CFAP69: variants seen among roughly 807,000 people sequenced by gnomAD.
CFAP69 encodes the protein cilia- and flagella-associated protein 69.
In CFAP69, 92 loss-of-function variants were observed where a neutral mutation model predicts 123.0. The observed-to-expected ratio is 0.75, with a 90% CI of 0.63 to 0.89. CFAP69 has a LOEUF of 0.89. Among genes scored for constraint, CFAP69 ranks in the 40% least tolerant of loss-of-function variants. The pLI, the probability that CFAP69 is intolerant of heterozygous loss-of-function variation, is 0.00. For synonymous variants in CFAP69, 380 were observed against 364.3 expected (o/e 1.04, Z -0.49); for missense variants, 1,067 against 1,096.9 (o/e 0.97, Z 0.39).
At chr7:90,320,283 A>G in the CFAP69 span, 120,679 of 152,246 alleles carry the variant, frequency 0.79, 47,951 homozygotes, top group East Asian at 0.89. Flanking sequence ...AGTTACTGCT[A>G]TTTCCATTTT....
At chr7:90,247,474 T>C (rs1796467329) in intron 1 of CFAP69, among the ~76,000 whole-genome samples, 1 of 152,230 alleles carries the variant, frequency 6.6e-6, no homozygotes, top group Non-Finnish European at 1.5e-5. Context: ...ACCAGCTATG[T>C]GACCAAAGAC....
chr7:90,277,311 T>C lies in CFAP69; in HGVS notation c.1132T>C (p.Cys378Arg), dbSNP rs772872240. Residue 378 changes from cysteine to arginine, a missense_variant, in exon 11 of 23, where the codon TGT (cysteine) becomes CGT (arginine). By Grantham distance (180) the Cys-to-Arg change is radical. Coordinates refer to ENST00000389297, the MANE Select transcript of CFAP69 (RefSeq NM_001039706.3). ...KLLFNVIVILCKDLPTVQLLI... is the reference protein window; with the variant it reads ...KLLFNVIVILRKDLPTVQLLI... Reference sequence around the variant, plus strand: ...ACTATTCAACGTAATTGTGATCTTATGTAAAGATTTACCTACTGTACAGGT... The same window carrying C: ...ACTATTCAACGTAATTGTGATCTTACGTAAAGATTTACCTACTGTACAGGT... 1.9e-6 allele frequency: 3 copies of C among 1,576,786 alleles called. No homozygotes were observed. Among genetic ancestry groups the C allele is most frequent in the Non-Finnish European group, 2.6e-6 (3 of 1,165,270 alleles).
chr7:90,323,540 G>A, the CFAP69 span, among the ~76,000 whole-genome samples: 5 of 151,830 alleles, frequency 3.3e-5, no homozygotes, highest in African/African-American at 1.2e-4. Context: ...CCTAAATGAC[G>A]GAAATAGAGA....
chr7:90,277,434 T>C, intron 11 of CFAP69, 100 bp downstream of exon 11: 1 of 1,034,908 alleles, frequency 9.7e-7, no homozygotes, highest in Non-Finnish European at 1.3e-6. Flanking sequence ...GGTTCATATA[T>C]TTACCACAGA....
the CFAP69 span, among the ~76,000 whole-genome samples, chr7:90,316,133 G>T: frequency 6.6e-6 from 1 of 152,082 alleles, no homozygotes; most frequent in Non-Finnish European, 1.5e-5. Context: ...AAACAGCAGA[G>T]GAACTTTAGA....
In CFAP69 at chr7:90,258,178, T is replaced by C. The variant is rs1223478390; in HGVS notation, c.246+15T>C. 3.3e-6 allele frequency: 5 copies of C among 1,499,394 alleles called. No individual in the cohort carries two copies. Among genetic ancestry groups the C allele is most frequent in the Non-Finnish European group, 4.6e-6 (5 of 1,089,688 alleles). The allele number at this position is 1,499,394 out of a possible 1,614,324, so 92.9% of individuals were successfully genotyped here. On this transcript the variant is annotated intron_variant, in intron 3 of 22. Transcript: ENST00000389297. ...AGAATGGACTTGTATCCTTTACATA[T>C]ATATGTATGTTCATTTCATTTATTC... is the stretch of plus-strand genomic sequence containing the variant.
rs764475922 is a variant in CFAP69, at chr7:90,245,487, T to C, written c.63T>C (p.Ser21=). 1 of 1,546,624 alleles carries C rather than the reference T, an allele frequency of 6.5e-7. No homozygotes were observed. Among genetic ancestry groups the C allele is most frequent in the South Asian group, 1.2e-5 (1 of 83,600 alleles). ...AGGAATCCGGCATCAGGAACAAGTC[T>C]AGCAGTTCCAGTCAAATCCCGGTGG... ...EAQESGIRNK[S]SSSSQIPVVG... Residue 21 remains serine (S), a synonymous_variant, in exon 1 of 23, where the codon TCT becomes TCC. Transcript: ENST00000389297.
chr7:90,288,359 A>G lies in CFAP69; in HGVS notation c.1775+7A>G, dbSNP rs1469035071. On this transcript the variant is annotated splice_region_variant and intron_variant, in intron 15 of 22. Coordinates refer to ENST00000389297, the MANE Select transcript of CFAP69 (RefSeq NM_001039706.3). ...GTACATTGGACAGCATTTGGTGAGT[A>G]TTGCTATAATCAAATTAGGTAGACT... 6.2e-7 allele frequency: 1 copy of G among 1,607,296 alleles called. No homozygotes were observed. Among genetic ancestry groups the G allele is most frequent in the Non-Finnish European group, 8.5e-7 (1 of 1,175,868 alleles).
chr7:90,309,502 A>C, intron 22 of CFAP69, 135 bp downstream of exon 22: 21 of 435,770 alleles, frequency 4.8e-5, no homozygotes, highest in East Asian at 1.1e-4. Context: ...ATTATATCTC[A>C]ATAAAACTGT....
intron 1 of CFAP69, among the ~76,000 whole-genome samples, chr7:90,251,410 A>G (rs1045392357): frequency 6.6e-6 from 1 of 152,208 alleles, no homozygotes; most frequent in Non-Finnish European, 1.5e-5. Context: ...TTGGAAGCAG[A>G]GGGACAAAAA....
At chr7:90,280,063 T>G (rs1036249676) in intron 12 of CFAP69, among the ~76,000 whole-genome samples, 170 bp downstream of exon 12, 1 of 152,212 alleles carries the variant, frequency 6.6e-6, no homozygotes, top group Non-Finnish European at 1.5e-5. Context: ...AACACAGATT[T>G]TAAAGTCAGA....
rs1452675850 is a variant in CFAP69 at position 90,271,639 on chromosome 7, T to A, written c.646T>A (p.Trp216Arg). Reference protein sequence around the residue: ...LLENQLVEKLWVLKVLQHLST... With the variant: ...LLENQLVEKLRVLKVLQHLST... ...TGAAAATCAACTTGTTGAGAAACTT[T>A]GGGTACTTAAAGTTCTGCAGCATCT... Residue 216 changes from tryptophan (W) to arginine (R), a missense_variant, in exon 7 of 23, where the codon TGG (tryptophan) becomes AGG (arginine). Transcript: ENST00000389297. 6.2e-7 allele frequency: 1 copy of A among 1,613,572 alleles called. No individual in the cohort carries two copies. Among genetic ancestry groups the A allele is most frequent in the Non-Finnish European group, 8.5e-7 (1 of 1,179,692 alleles).
intron 1 of CFAP69, among the ~76,000 whole-genome samples, chr7:90,251,265 G>A (rs1584294819): frequency 6.6e-6 from 1 of 152,170 alleles, no homozygotes; most frequent in African/African-American, 2.4e-5. Context: ...AAAAAGAAAG[G>A]TGTGGGGGAG....
Position 90,253,098 on chromosome 7 carries a change from C to T in CFAP69, c.121-2325C>T, listed in dbSNP as rs377596426. On this transcript the variant is annotated intron_variant, in intron 1 of 22. Coordinates refer to ENST00000389297, the MANE Select transcript of CFAP69 (RefSeq NM_001039706.3). ...TTCGCTTTTGTTTGTATCATCATTA[C>T]ATCACCTTTTCAAACATTTATTTTA... Among the ~76,000 whole-genome samples, 39 of 152,244 alleles carry T rather than the reference C, an allele frequency of 2.6e-4. 1 individual carries two copies. Among genetic ancestry groups the T allele is most frequent in the African/African-American group, 8.7e-4 (36 of 41,550 alleles).
chr7:90,273,077 C>T (rs1800189460), intron 8 of CFAP69, among the ~76,000 whole-genome samples: 1 of 152,166 alleles, frequency 6.6e-6, no homozygotes, highest in South Asian at 2.1e-4. Flanking sequence ...ACTATTAATA[C>T]AAGGGAACCT....
chr7:90,287,837 G>A, intron 14 of CFAP69: 1 of 782,522 alleles, frequency 1.3e-6, no homozygotes, highest in Non-Finnish European at 1.6e-6. Context: ...ATTTCTCTCG[G>A]GGTCATTAGA....
At chr7:90,321,222 G>C in the CFAP69 span, 1 of 152,234 alleles carries the variant, frequency 6.6e-6, no homozygotes, top group Non-Finnish European at 1.5e-5. Context: ...GTGCGCTTCG[G>C]CGCTGGGAGG....
chr7:90,271,323 A>C (rs1175824015), intron 6 of CFAP69, among the ~76,000 whole-genome samples: 1 of 152,136 alleles, frequency 6.6e-6, no homozygotes, highest in Non-Finnish European at 1.5e-5. Flanking sequence ...GTTGGCAAGA[A>C]ACCTTATAAC....
In CFAP69 at chr7:90,295,329, A is replaced by AGG. The variant is rs945534097; in HGVS notation, c.1776-2417_1776-2416dup. On this transcript the variant is annotated intron_variant, in intron 15 of 22. Coordinates refer to ENST00000389297, the MANE Select transcript of CFAP69 (RefSeq NM_001039706.3). Reference sequence around the variant, plus strand: ...TCAAGTTTCCTTGCTTTTTAATAAGAGGGGCTTTTAACCCACTTTGACTTA... The same window carrying AGG: ...TCAAGTTTCCTTGCTTTTTAATAAGAGGGGGGCTTTTAACCCACTTTGACTTA... Among the ~76,000 whole-genome samples the AGG allele has an allele frequency of 5.3e-5, 8 of 152,088 alleles. No individual in the cohort carries two copies. The East Asian group carries it at 1.5e-3, about 29-fold the overall frequency.
Sources: allele counts gnomAD v4.1 joint callset (sites outside exome capture counted in the v4.1 genomes callset), GRCh38; gene constraint gnomAD v4.1.1; transcripts MANE v1.5; gene names NCBI Gene and HGNC (gene_info 2026-07-23, HGNC 2026-07-21).